The following SNX1 variants were observed in gnomAD, a reference collection of about 807,000 sequenced individuals.
SNX1 encodes the protein sorting nexin-1.
A neutral mutation model predicts 71.8 loss-of-function variants in SNX1; 36 were observed. The ratio of observed to expected loss-of-function variants is 0.50; its 90% confidence interval spans 0.38 to 0.66. SNX1 has a LOEUF of 0.66. Ranked by LOEUF, SNX1 falls within the 30% of genes least tolerant of loss-of-function variation. The pLI is 0.00. For synonymous variants in SNX1, 254 were observed against 240.7 expected (o/e 1.06, Z -0.51); for missense variants, 612 against 646.7 (o/e 0.95, Z 0.58).
In SNX1 at chr15:64,112,698, C is replaced by G. The variant is rs1296696060; in HGVS notation, c.271+14C>G. ...ATCTCTTTGCAGGCAAGTTTGGACTCAAAAGTTACTCTAGGAACCTCCTAA... is the reference window on the plus strand; with the variant it reads ...ATCTCTTTGCAGGCAAGTTTGGACTGAAAAGTTACTCTAGGAACCTCCTAA... On this transcript the variant is annotated intron_variant, in intron 2 of 14. Coordinates refer to ENST00000559844, the MANE Select transcript of SNX1 (RefSeq NM_003099.5). 8.4e-6 allele frequency: 13 copies of G among 1,548,956 alleles called. No individual in the cohort carries two copies. The highest frequency in any genetic ancestry group is 1.2e-5 in the Non-Finnish European group (13 of 1,127,378).
intron 5 of SNX1, among the ~76,000 whole-genome samples, chr15:64,125,825 T>C (rs1444607165): frequency 6.6e-6 from 1 of 152,226 alleles, no homozygotes; most frequent in Non-Finnish European, 1.5e-5. Flanking sequence ...ATTTAATTGA[T>C]TGCCTTTATA....
At chr15:64,108,322 CTG>C (rs1163989974) in intron 1 of SNX1, among the ~76,000 whole-genome samples, 1 of 151,990 alleles carries the variant, frequency 6.6e-6, no homozygotes, top group African/African-American at 2.4e-5. Flanking sequence ...AAAATTTTAA[CTG>C]TTGATTTAAA....
At chr15:64,121,439 C>A (rs1291650174) in intron 4 of SNX1, among the ~76,000 whole-genome samples, 1 of 152,196 alleles carries the variant, frequency 6.6e-6, no homozygotes, top group East Asian at 1.9e-4. Context: ...TGTCATGTGG[C>A]ATCCTTCCTA....
chr15:64,096,510 G>C (rs139438365), intron 1 of SNX1, among the ~76,000 whole-genome samples: 1 of 152,250 alleles, frequency 6.6e-6, no homozygotes, highest in Admixed American at 6.5e-5. Flanking sequence ...GGCAGATTCA[G>C]TAGGACGGAA....
chr15:64,117,811 A>G (rs2081146538), intron 2 of SNX1, among the ~76,000 whole-genome samples: 2 of 152,252 alleles, frequency 1.3e-5, no homozygotes, highest in South Asian at 4.1e-4. Flanking sequence ...TAAAATTGAT[A>G]AACTTATTTT....
intron 1 of SNX1, among the ~76,000 whole-genome samples, chr15:64,106,873 T>C (rs1007372395): frequency 2.4e-4 from 37 of 152,320 alleles, no homozygotes; most frequent in African/African-American, 2.9e-4. Context: ...GCAAAACCCA[T>C]TGGACTTTTT....
intron 1 of SNX1, among the ~76,000 whole-genome samples, chr15:64,110,553 C>T (rs1011644918): frequency 8.5e-5 from 13 of 152,302 alleles, no homozygotes; most frequent in African/African-American, 1.9e-4. Context: ...CACACCATCA[C>T]GCCAGGCTAC....
chr15:64,137,076 C>G (rs1391860982), intron 14 of SNX1, 144 bp downstream of exon 14: 2 of 633,004 alleles, frequency 3.2e-6, no homozygotes, highest in African/African-American at 3.7e-5. Context: ...ATAGGTCCTG[C>G]TGCTCTGACA....
intron 4 of SNX1, among the ~76,000 whole-genome samples, chr15:64,121,858 G>A (rs1184388763): frequency 6.6e-6 from 1 of 151,292 alleles, no homozygotes; most frequent in Non-Finnish European, 1.5e-5. Flanking sequence ...TGTGTGGGCT[G>A]TTTATTCAAC....
At chr15:64,124,835 T>C (rs1403641231) in intron 5 of SNX1, among the ~76,000 whole-genome samples, 1 of 152,206 alleles carries the variant, frequency 6.6e-6, no homozygotes, top group Non-Finnish European at 1.5e-5. Flanking sequence ...TTGTACCCCA[T>C]CAGCAGTGTA....
Position 64,134,816 on chromosome 15 carries a change from A to G in SNX1, c.1365+9A>G, listed in dbSNP as rs1164025550. ...AGGACGAGATCCTCGAGGTGAGTCC[A>G]CTGAGGCAGCCCAGCCAGGGGTGTT... On this transcript the variant is annotated intron_variant, in intron 12 of 14. Transcript: ENST00000559844. The surrounding 1 kb of genome is among the most constrained non-coding windows in gnomAD (Gnocchi z 4.1). 6.2e-7 allele frequency: 1 copy of G among 1,613,560 alleles called. No individual in the cohort carries two copies. Among genetic ancestry groups the G allele is most frequent in the Non-Finnish European group, 8.5e-7 (1 of 1,179,964 alleles).
chr15:64,141,795 C>T lies in SNX1; in HGVS notation c.*4177C>T, dbSNP rs532484305. 6.6e-6 allele frequency: 1 copy of T among 152,532 alleles called. No homozygotes were observed. Among genetic ancestry groups the T allele is most frequent in the African/African-American group, 2.4e-5 (1 of 41,588 alleles). The allele number at this position is 152,532 out of a possible 1,614,324, so 9.4% of individuals were successfully genotyped here. On this transcript the variant is annotated 3_prime_UTR_variant, in exon 15 of 15. Coordinates refer to ENST00000559844, the MANE Select transcript of SNX1 (RefSeq NM_003099.5). The surrounding 1 kb of genome is among the most constrained non-coding windows in gnomAD (Gnocchi z 5.1). The stretch of plus-strand genomic sequence containing the variant: ...GCAGGAAGAGCAGCCAGGCTTATCC[C>T]TACCCTCAGGAGAGCTGAAAAGGGC...
In SNX1 at chr15:64,130,298, A is replaced by C. The variant is rs763368039; in HGVS notation, c.992A>C (p.Glu331Ala). 1.2e-6 allele frequency: 2 copies of C among 1,614,090 alleles called. No homozygotes were observed. Among genetic ancestry groups the C allele is most frequent in the East Asian group, 4.5e-5 (2 of 44,888 alleles). ...QRLRKLHAVV[E>A]TLVNHRKELA... The stretch of plus-strand genomic sequence containing the variant: ...TTACGGAAACTGCATGCTGTTGTAG[A>C]AACTCTAGTCAACCATAGGAAAGGT... The change falls in exon 10 of 15, where the codon GAA becomes GCA. Residue 331 changes from glutamate to alanine, a missense_variant. Around this residue, in one of 2 missense-constraint regions of SNX1, gnomAD observed 296 missense variants for 361.9 expected, o/e 0.82. Transcript: ENST00000559844.
At chr15:64,119,274 C>T (rs925992979) in intron 4 of SNX1, among the ~76,000 whole-genome samples, 3 of 152,048 alleles carry the variant, frequency 2.0e-5, no homozygotes, top group African/African-American at 7.2e-5. Flanking sequence ...ACTGCAGGCA[C>T]GTGCTACCAT....
chr15:64,097,734 A>C (rs1047449141), intron 1 of SNX1, among the ~76,000 whole-genome samples: 6 of 152,254 alleles, frequency 3.9e-5, no homozygotes, highest in Non-Finnish European at 8.8e-5. Context: ...TCCAGGCTGT[A>C]AAATTCAATG....
rs1297583321 is a variant in SNX1 at position 64,136,912 on chromosome 15, C to G, written c.1498C>G (p.Leu500Val). The G allele has an allele frequency of 3.3e-5, 54 of 1,614,010 alleles. No homozygotes were observed. Among genetic ancestry groups the G allele is most frequent in the Non-Finnish European group, 4.2e-5 (50 of 1,179,880 alleles). ...KNHVIKYLET[L>V]LYSQQQLAKY... ...CCACGTGATCAAGTACCTTGAGACA[C>G]TCCTTTACTCACAGCAGCAGGTATG... Residue 500 changes from leucine (L) to valine (V), a missense_variant, in exon 14 of 15, where the codon CTC (leucine) becomes GTC (valine). By Grantham distance (32) the Leu-to-Val change is conservative. Coordinates refer to ENST00000559844, the MANE Select transcript of SNX1 (RefSeq NM_003099.5).
At chr15:64,104,962 C>T (rs954311976) in intron 1 of SNX1, among the ~76,000 whole-genome samples, 3 of 150,752 alleles carry the variant, frequency 2.0e-5, no homozygotes, top group Admixed American at 6.6e-5. Context: ...GGGCCGGGCA[C>T]GGTGGCTCAC....
At chr15:64,103,063 G>A (rs1427333354) in intron 1 of SNX1, among the ~76,000 whole-genome samples, 1 of 152,006 alleles carries the variant, frequency 6.6e-6, no homozygotes, top group African/African-American at 2.4e-5. Flanking sequence ...CACCATGCCT[G>A]GCCTATACCA....
intron 2 of SNX1, among the ~76,000 whole-genome samples, chr15:64,114,223 G>C (rs2081106563): frequency 6.6e-6 from 1 of 152,018 alleles, no homozygotes; most frequent in Non-Finnish European, 1.5e-5. Context: ...ATTTTTCGAA[G>C]GTAATCACAA....
Sources: allele counts gnomAD v4.1 joint callset (sites outside exome capture counted in the v4.1 genomes callset), GRCh38; gene constraint gnomAD v4.1.1; regional missense constraint gnomAD v4.1.1; non-coding constraint Gnocchi (gnomAD v3.1); transcripts MANE v1.5; gene names NCBI Gene and HGNC (gene_info 2026-07-23, HGNC 2026-07-21).